The following KCNE1 variants were observed in gnomAD, a reference collection of about 807,000 sequenced individuals.
KCNE1 encodes potassium voltage-gated channel subfamily E member 1.
KCNE1 carries 1 observed loss-of-function variant against 2.9 expected under a neutral mutation model. The observed-to-expected ratio is 0.34, with a 90% CI of 0.12 to 1.62. KCNE1 has a LOEUF of 1.62. Ranked by LOEUF, KCNE1 falls within the 40% of genes most tolerant of loss-of-function variation. The pLI is 0.36. For synonymous variants in KCNE1, 23 were observed against 65.4 expected (o/e 0.35, Z 3.13); for missense variants, 45 against 150.5 (o/e 0.30, Z 3.67).
intron 2 of KCNE1, among the ~76,000 whole-genome samples, chr21:34,505,396 A>G (rs1315551557): frequency 6.6e-6 from 1 of 151,686 alleles, no homozygotes; most frequent in African/African-American, 2.4e-5. Context: ...CGGCCTCCCA[A>G]AGAACTGAGA....
chr21:34,511,715 G>A (rs1983845037), intron 1 of KCNE1, among the ~76,000 whole-genome samples: 1 of 152,248 alleles, frequency 6.6e-6, no homozygotes, highest in Non-Finnish European at 1.5e-5. Flanking sequence ...CAGAGCAGCA[G>A]TTAGAGGTCT....
intron 2 of KCNE1, among the ~76,000 whole-genome samples, chr21:34,509,224 T>C (rs889845203): frequency 1.3e-5 from 2 of 152,214 alleles, no homozygotes; most frequent in Non-Finnish European, 2.9e-5. Flanking sequence ...GTTGGTAGAA[T>C]CCATTTCCTT....
At chr21:34,501,877 C>T (rs1418371731) in intron 2 of KCNE1, among the ~76,000 whole-genome samples, 3 of 152,210 alleles carry the variant, frequency 2.0e-5, no homozygotes, top group African/African-American at 2.4e-5. Context: ...AGTCAAGGTG[C>T]ACCTCAGCTA....
At chr21:34,504,977 T>C (rs780618568) in intron 2 of KCNE1, among the ~76,000 whole-genome samples, 23 of 152,192 alleles carry the variant, frequency 1.5e-4, no homozygotes, top group Non-Finnish European at 2.6e-4. Context: ...GAAAATGTTC[T>C]AAAACTGACC....
intron 2 of KCNE1, among the ~76,000 whole-genome samples, chr21:34,502,379 A>G (rs1033874186): frequency 1.6e-4 from 24 of 152,244 alleles, no homozygotes. Flanking sequence ...CAACAGATGA[A>G]GGAACTGGCC....
intron 2 of KCNE1, chr21:34,509,698 G>C (rs932549008): frequency 2.0e-5 from 3 of 152,102 alleles, no homozygotes; most frequent in African/African-American, 7.3e-5. Flanking sequence ...CTCGTGATCC[G>C]CCCGCCTCGG....
At chr21:34,510,288 C>T in intron 2 of KCNE1, 1 of 152,648 alleles carries the variant, frequency 6.6e-6, no homozygotes, top group Non-Finnish European at 1.5e-5. Flanking sequence ...GAACGCTTTG[C>T]TGACTGGTGA....
chr21:34,507,896 A>G (rs542741279), intron 2 of KCNE1, among the ~76,000 whole-genome samples: 1 of 152,154 alleles, frequency 6.6e-6, no homozygotes, highest in East Asian at 1.9e-4. Flanking sequence ...GCACACAAAG[A>G]GCTTAACACA....
At position 34,449,359 on chromosome 21, in the gene KCNE1, C is replaced by T. The variant is rs760884789; in HGVS notation, c.276G>A (p.Lys92=). Residue 92 remains lysine (K), a synonymous_variant, in exon 4 of 4, where the codon AAG becomes AAA. Coordinates refer to ENST00000399286, the MANE Select transcript of KCNE1 (RefSeq NM_000219.6). The part of the protein sequence containing the change: ...IESDAWQEKD[K]AYVQARVLES... Reference sequence around the variant, plus strand: ...CCAGGACCCGGGCCTGGACATAGGCCTTGTCCTTCTCTTGCCAGGCATCGG... The same window carrying T: ...CCAGGACCCGGGCCTGGACATAGGCTTTGTCCTTCTCTTGCCAGGCATCGG... 6.2e-7 allele frequency: 1 copy of T among 1,601,008 alleles called. No homozygotes were observed. Among genetic ancestry groups the T allele is most frequent in the Non-Finnish European group, 8.5e-7 (1 of 1,172,630 alleles).
At chr21:34,506,444 T>A (rs1003498383) in intron 2 of KCNE1, among the ~76,000 whole-genome samples, 1 of 152,104 alleles carries the variant, frequency 6.6e-6, no homozygotes, top group African/African-American at 2.4e-5. Context: ...TTTCCATATG[T>A]GAACACATTA....
chr21:34,506,099 G>T (rs1346067784), intron 2 of KCNE1, among the ~76,000 whole-genome samples: 1 of 152,238 alleles, frequency 6.6e-6, no homozygotes, highest in African/African-American at 2.4e-5. Context: ...TCCCTACAGA[G>T]AATTCCTTGG....
At chr21:34,509,078 G>A (rs1287441161) in intron 2 of KCNE1, among the ~76,000 whole-genome samples, 4 of 152,270 alleles carry the variant, frequency 2.6e-5, no homozygotes, top group East Asian at 1.9e-4. Flanking sequence ...TCATCATCTC[G>A]GTTTCCATGG....
rs566742338 is a variant in KCNE1, at chr21:34,511,218, G to T, written c.-279C>A. 2.0e-6 allele frequency: 2 copies of T among 985,728 alleles called. No homozygotes were observed. Among genetic ancestry groups the T allele is most frequent in the African/African-American group, 1.7e-5 (1 of 57,354 alleles). The allele number at this position is 985,728 out of a possible 1,614,324, so 61.1% of individuals were successfully genotyped here. On this transcript the variant is annotated 5_prime_UTR_variant, in exon 2 of 4. Coordinates refer to ENST00000399286, the MANE Select transcript of KCNE1 (RefSeq NM_000219.6). Reference sequence around the variant, plus strand: ...CAGAACTTTTTGAGTTATCCTTCTGGTCTCTTCCTCCTGAGCACGGTTCTC... The same window carrying T: ...CAGAACTTTTTGAGTTATCCTTCTGTTCTCTTCCTCCTGAGCACGGTTCTC...
chr21:34,504,400 C>G (rs773157988), intron 2 of KCNE1, among the ~76,000 whole-genome samples: 3 of 152,156 alleles, frequency 2.0e-5, no homozygotes, highest in Admixed American at 6.5e-5. Context: ...CCAGGGTGGC[C>G]AGAATACAAA....
At chr21:34,495,898 GT>G (rs1982777554) in intron 2 of KCNE1, among the ~76,000 whole-genome samples, 1 of 151,894 alleles carries the variant, frequency 6.6e-6, no homozygotes, top group Non-Finnish European at 1.5e-5. Context: ...TATGATCTTT[GT>G]TATTTCTTTT....
At position 34,497,090 on chromosome 21, in the gene KCNE1, C is replaced by A. The variant is rs180772329; in HGVS notation, c.-162+14011G>T. ...GTGAGTCTCTTGAAGATGGCAGATA[C>A]TTGGTTGATGGATTTTTATCTATTC... is the stretch of plus-strand genomic sequence containing the variant. On this transcript the variant is annotated intron_variant, in intron 2 of 3. Coordinates refer to ENST00000399286, the MANE Select transcript of KCNE1 (RefSeq NM_000219.6). Among the ~76,000 whole-genome samples the A allele has an allele frequency of 2.1e-3, 315 of 152,222 alleles. 1 individual carries two copies. The highest frequency in any genetic ancestry group is 7.2e-3 in the African/African-American group (299 of 41,538).
intron 2 of KCNE1, among the ~76,000 whole-genome samples, chr21:34,500,989 G>T (rs149615196): frequency 2.0e-5 from 3 of 152,302 alleles, no homozygotes; most frequent in Admixed American, 6.5e-5. Context: ...AGGAAGGTAA[G>T]ACCTTTGGGG....
Position 34,508,682 on chromosome 21 carries a change from G to T in KCNE1, c.-162+2419C>A, listed in dbSNP as rs1409178539. Among the ~76,000 whole-genome samples the T allele has an allele frequency of 2.0e-5, 3 of 152,256 alleles. No homozygotes were observed. In the South Asian group the frequency reaches 6.2e-4, roughly 32 times the overall value. Reference sequence around the variant, plus strand: ...TTTCACTATTATTTTTTAATAGAAAGCATGCAAAAAGAGACGACACAGTCA... The same window carrying T: ...TTTCACTATTATTTTTTAATAGAAATCATGCAAAAAGAGACGACACAGTCA... On this transcript the variant is annotated intron_variant, in intron 2 of 3. Transcript: ENST00000399286.
chr21:34,511,171 T>C lies in KCNE1; in HGVS notation c.-232A>G, dbSNP rs1281830014. On this transcript the variant is annotated 5_prime_UTR_variant, in exon 2 of 4. Transcript: ENST00000399286. Reference sequence around the variant, plus strand: ...ACCATTGGCAGCAGGCTCCTTCTCTTCAGGTGGTCTTAGGAACTTCTCAGA... The same window carrying C: ...ACCATTGGCAGCAGGCTCCTTCTCTCCAGGTGGTCTTAGGAACTTCTCAGA... 1.6e-5 allele frequency: 16 copies of C among 985,696 alleles called. No individual in the cohort carries two copies. The highest frequency in any genetic ancestry group is 1.9e-5 in the Non-Finnish European group (16 of 830,150). 61.1% of individuals were successfully genotyped at this position (985,696 alleles called of 1,614,324 possible).
Sources: gnomAD v4.1 joint callset for allele counts (sites outside exome capture counted in the v4.1 genomes callset) on GRCh38, gnomAD v4.1.1 for gene constraint, MANE v1.5 for transcripts, NCBI Gene and HGNC (gene_info 2026-07-23, HGNC 2026-07-21) for gene names.